The following GUCY1A2 variants were observed in gnomAD, a reference collection of about 807,000 sequenced individuals.
GUCY1A2 encodes guanylate cyclase 1 soluble subunit alpha 2.
A neutral mutation model predicts 63.5 loss-of-function variants in GUCY1A2; 27 were observed. The ratio of observed to expected loss-of-function variants is 0.43; its 90% CI spans 0.31 to 0.59. The LOEUF (loss-of-function observed/expected upper bound fraction) is 0.59, where lower values mean the gene tolerates loss of function less well. GUCY1A2 is among the 20% of genes least tolerant of loss of function. The probability of loss-of-function intolerance (pLI) is 0.11; values close to 1 mark genes in which losing one functional copy is unlikely to be tolerated. For missense variants in GUCY1A2, 768 were observed against 913.3 expected, an observed-to-expected ratio of 0.84 and a Z score of 2.05; for synonymous variants, 364 against 343.5, an observed-to-expected ratio of 1.06 and a Z score of -0.66.
chr11:106,937,056 G>A (rs1860688584), intron 4 of GUCY1A2, among the ~76,000 whole-genome samples: 1 of 152,010 alleles, frequency 6.6e-6, no homozygotes, highest in South Asian at 2.1e-4. Context: ...TTATTCATCT[G>A]GGTAAGACTG....
At chr11:106,992,496 A>AT (rs1215384165) in intron 1 of GUCY1A2, among the ~76,000 whole-genome samples, 13 of 151,468 alleles carry the variant, frequency 8.6e-5, no homozygotes, top group African/African-American at 2.9e-4. Context: ...TGCCCGGCTA[A>AT]TTTTTTTGTA....
chr11:106,935,862 T>TA (rs138814033), intron 4 of GUCY1A2, among the ~76,000 whole-genome samples: 22 of 140,566 alleles, frequency 1.6e-4, no homozygotes, highest in African/African-American at 2.7e-4. Context: ...AAAAAAAAAT[T>TA]AAAAAAAAAA....
At chr11:106,824,792 T>A in intron 4 of GUCY1A2, 1 of 1,561,466 alleles carries the variant, frequency 6.4e-7, no homozygotes, top group South Asian at 1.2e-5. Flanking sequence ...TTTGTTATTT[T>A]TTTTTTTTGT....
chr11:106,826,394 A>C (rs1438910889), intron 4 of GUCY1A2: 11 of 1,542,430 alleles, frequency 7.1e-6, no homozygotes, highest in Non-Finnish European at 8.9e-6. Flanking sequence ...TTCCATTTTT[A>C]GTCAAAATAA....
chr11:106,712,693 G>A (rs1863141155), intron 6 of GUCY1A2, among the ~76,000 whole-genome samples: 1 of 152,068 alleles, frequency 6.6e-6, no homozygotes, highest in African/African-American at 2.4e-5. Flanking sequence ...GATTTGTTAG[G>A]CAAGACTGGA....
intron 6 of GUCY1A2, among the ~76,000 whole-genome samples, chr11:106,724,284 C>A (rs1373590458): frequency 6.6e-6 from 1 of 152,244 alleles, no homozygotes; most frequent in African/African-American, 2.4e-5. Flanking sequence ...ATTCATCAGA[C>A]TCAATTTGTC....
intron 3 of GUCY1A2, among the ~76,000 whole-genome samples, chr11:106,974,487 C>G (rs1052140555): frequency 6.6e-6 from 1 of 151,922 alleles, no homozygotes; most frequent in Non-Finnish European, 1.5e-5. Flanking sequence ...AAAGTATATA[C>G]AAGTTGACAT....
chr11:106,753,499 T>A (rs1404940630), intron 6 of GUCY1A2, among the ~76,000 whole-genome samples: 1 of 152,236 alleles, frequency 6.6e-6, no homozygotes, highest in African/African-American at 2.4e-5. Flanking sequence ...TGGTTTTAGG[T>A]CTTACATTTA....
intron 4 of GUCY1A2, among the ~76,000 whole-genome samples, chr11:106,919,578 A>C (rs1419131987): frequency 6.6e-6 from 1 of 152,134 alleles, no homozygotes; most frequent in East Asian, 1.9e-4. Flanking sequence ...AACAATAGAC[A>C]ATAAAGGCAT....
chr11:106,829,059 C>T (rs975561062), intron 4 of GUCY1A2, among the ~76,000 whole-genome samples: 2 of 152,206 alleles, frequency 1.3e-5, no homozygotes, highest in Admixed American at 1.3e-4. Context: ...GTGCTCTGGG[C>T]ATATCCTTAA....
rs1862362905 is a variant in GUCY1A2 at position 106,677,274 on chromosome 11, T to C, written c.*10275A>G. Reference sequence around the variant, plus strand: ...CATGCTAACAAGTTTTAAAGCCTAATTAATTTACTGCACATAAAACTTATG... The same window carrying C: ...CATGCTAACAAGTTTTAAAGCCTAACTAATTTACTGCACATAAAACTTATG... On this transcript the variant is annotated 3_prime_UTR_variant, in exon 8 of 8. Transcript: ENST00000526355. 4.6e-6 allele frequency: 1 copy of C among 218,838 alleles called. No individual in the cohort carries two copies. Among genetic ancestry groups the C allele is most frequent in the Non-Finnish European group, 9.2e-6 (1 of 108,876 alleles). 13.6% of individuals were successfully genotyped at this position (218,838 alleles called of 1,614,324 possible). A position where few individuals can be genotyped will look rare whatever the true frequency, so the allele number is the denominator to read the frequency against.
chr11:106,760,682 T>C (rs1272385877), intron 6 of GUCY1A2, among the ~76,000 whole-genome samples: 2 of 152,172 alleles, frequency 1.3e-5, no homozygotes, highest in Non-Finnish European at 2.9e-5. Context: ...ATTAATATGT[T>C]CTGAGAGATA....
At chr11:106,923,211 A>C (rs1474387698) in intron 4 of GUCY1A2, among the ~76,000 whole-genome samples, 1 of 152,220 alleles carries the variant, frequency 6.6e-6, no homozygotes, top group African/African-American at 2.4e-5. Context: ...TTAATGGATG[A>C]ATAATTGTAT....
intron 4 of GUCY1A2, among the ~76,000 whole-genome samples, chr11:106,900,793 T>TA (rs911175486): frequency 9.9e-5 from 15 of 152,170 alleles, no homozygotes; most frequent in African/African-American, 3.6e-4. Context: ...CCATTATGTC[T>TA]AAAAAAGCGA....
At chr11:107,003,786 A>G (rs2120189175) in intron 1 of GUCY1A2, among the ~76,000 whole-genome samples, 1 of 152,298 alleles carries the variant, frequency 6.6e-6, no homozygotes, top group South Asian at 2.1e-4. Flanking sequence ...CACCATCACG[A>G]GTTGGGTTCT....
chr11:106,796,988 T>G (rs1864774807), intron 5 of GUCY1A2, among the ~76,000 whole-genome samples: 1 of 152,106 alleles, frequency 6.6e-6, no homozygotes, highest in South Asian at 2.1e-4. Flanking sequence ...TTACTCTTTT[T>G]TCTCTAAACT....
At chr11:106,752,972 A>C (rs1863909781) in intron 6 of GUCY1A2, among the ~76,000 whole-genome samples, 1 of 152,114 alleles carries the variant, frequency 6.6e-6, no homozygotes, top group Admixed American at 6.5e-5. Context: ...TTACACTCCC[A>C]CCAACAGCAT....
At position 106,677,051 on chromosome 11, in the gene GUCY1A2, C is replaced by T. The variant is rs530072479; in HGVS notation, c.*10498G>A. 8 of 213,968 alleles carry T rather than the reference C, an allele frequency of 3.7e-5. No individual in the cohort carries two copies. Among genetic ancestry groups the T allele is most frequent in the African/African-American group, 1.6e-4 (7 of 44,360 alleles). The allele number at this position is 213,968 out of a possible 1,614,324, so 13.3% of individuals were successfully genotyped here. ...CATCTACGTGCTCATCTTCTTTCCCCTTTTCTCACAAATCCACAAAGTGTT... is the reference window on the plus strand; with the variant it reads ...CATCTACGTGCTCATCTTCTTTCCCTTTTTCTCACAAATCCACAAAGTGTT... On this transcript the variant is annotated 3_prime_UTR_variant, in exon 8 of 8. Coordinates refer to ENST00000526355, the MANE Select transcript of GUCY1A2 (RefSeq NM_000855.3).
rs1381625273 is a variant in GUCY1A2 at position 106,687,634 on chromosome 11, G to A, written c.2114C>T (p.Pro705Leu). The A allele has an allele frequency of 1.2e-6, 2 of 1,613,918 alleles. No individual in the cohort carries two copies. Among genetic ancestry groups the A allele is most frequent in the East Asian group, 2.2e-5 (1 of 44,880 alleles). Reference sequence around the variant, plus strand: ...CGACGAAGAAAGAGAAGGCTTTGGTGGCTTTGGACCAGTCCTTACCTCCAG... The same window carrying A: ...CGACGAAGAAAGAGAAGGCTTTGGTAGCTTTGGACCAGTCCTTACCTCCAG... ...YFLEVRTGPK[P>L]PKPSLSSSRI... The change falls in exon 8 of 8, where the codon CCA (proline) becomes CTA (leucine). Residue 705 changes from proline to leucine, a missense_variant. Coordinates refer to ENST00000526355, the MANE Select transcript of GUCY1A2 (RefSeq NM_000855.3).
Sources: allele counts gnomAD v4.1 joint callset (sites outside exome capture counted in the v4.1 genomes callset), GRCh38; gene constraint gnomAD v4.1.1; transcripts MANE v1.5; gene names NCBI Gene and HGNC (gene_info 2026-07-23, HGNC 2026-07-21).